CAMSAP1: variants seen among roughly 807,000 people sequenced by gnomAD.
CAMSAP1 encodes the protein calmodulin regulated spectrin associated protein 1.
A neutral mutation model predicts 143.5 loss-of-function variants in CAMSAP1; 58 were observed. The ratio of observed to expected loss-of-function variants is 0.40; its 90% confidence interval spans 0.33 to 0.50. CAMSAP1 has a LOEUF of 0.50. Ranked by LOEUF, CAMSAP1 falls within the 20% of genes least tolerant of loss-of-function variation. The pLI is 0.45. For missense variants in CAMSAP1, 1,969 were observed against 2,115.7 expected (o/e 0.93, Z 1.36); for synonymous variants, 945 against 859.3 (o/e 1.10, Z -1.74).
intron 5 of CAMSAP1, among the ~76,000 whole-genome samples, chr9:135,855,599 G>C (rs747330460): frequency 6.6e-6 from 1 of 152,080 alleles, no homozygotes; most frequent in South Asian, 2.1e-4. Context: ...AAATTGGCCA[G>C]GTGTGATGGT....
Position 135,850,481 on chromosome 9 carries a change from T to G in CAMSAP1, c.809-20A>C. On this transcript the variant is annotated intron_variant, in intron 5 of 16. Transcript: ENST00000389532. ...ATATATCTAATAGACAAAAAGAAAA[T>G]CACAATTTATTGTAAAGGTATTCTG... 2.6e-6 allele frequency: 4 copies of G among 1,536,392 alleles called. No homozygotes were observed. In the South Asian group the frequency reaches 5.1e-5, roughly 20 times the overall value.
rs189681584 is a variant in CAMSAP1, at chr9:135,840,465, G to A, written c.1045+9672C>T. The stretch of plus-strand genomic sequence containing the variant: ...TCACGACGGGGTCCGATGGGAAGAG[G>A]CCTTTCCCACCAGGCAGAACAGGTG... On this transcript the variant is annotated intron_variant, in intron 7 of 16. Coordinates refer to ENST00000389532, the MANE Select transcript of CAMSAP1 (RefSeq NM_015447.4). Among the ~76,000 whole-genome samples the A allele has an allele frequency of 7.2e-3, 1,091 of 152,300 alleles. 9 individuals are homozygous for A. The highest frequency in any genetic ancestry group is 0.011 in the Non-Finnish European group (773 of 68,032).
intron 14 of CAMSAP1, among the ~76,000 whole-genome samples, chr9:135,816,970 T>A (rs1402139681): frequency 6.6e-6 from 1 of 152,132 alleles, no homozygotes; most frequent in African/African-American, 2.4e-5. Context: ...GAGGCTGCGT[T>A]GAGAAAGACG....
At chr9:135,834,600 G>A (rs1377915513) in intron 7 of CAMSAP1, among the ~76,000 whole-genome samples, 2 of 152,186 alleles carry the variant, frequency 1.3e-5, no homozygotes, top group Non-Finnish European at 2.9e-5. Flanking sequence ...CTAAAAAGTA[G>A]AACTTAAGCA....
At chr9:135,840,346 C>T (rs74342389) in intron 7 of CAMSAP1, among the ~76,000 whole-genome samples, 211 of 152,264 alleles carry the variant, frequency 1.4e-3, no homozygotes, top group African/African-American at 4.7e-3. Context: ...TGAACTGAAG[C>T]TTAGCTGCTT....
intron 3 of CAMSAP1, among the ~76,000 whole-genome samples, chr9:135,879,401 T>C (rs10858177): frequency 0.38 from 56,949 of 151,724 alleles, 12,077 homozygotes; most frequent in African/African-American, 0.58. Context: ...ACATACCCTC[T>C]TGCCCAAAAA....
intron 1 of CAMSAP1, among the ~76,000 whole-genome samples, chr9:135,896,928 C>T (rs936635638): frequency 6.6e-6 from 1 of 152,152 alleles, no homozygotes; most frequent in Non-Finnish European, 1.5e-5. Flanking sequence ...TAAGGACACT[C>T]AGAAGGTGCC....
rs1323097193 is a variant in CAMSAP1 at position 135,907,482 on chromosome 9, T to C, written c.-323A>G. ...GGGGGCGGTGGCAGCGCGTGCGCGG[T>C]CCCGGGTGAGCGGCGGCGGCGGCGA... On this transcript the variant is annotated 5_prime_UTR_variant, in exon 1 of 17. Coordinates refer to ENST00000389532, the MANE Select transcript of CAMSAP1 (RefSeq NM_015447.4). Among the ~76,000 whole-genome samples the C allele has an allele frequency of 1.4e-5, 2 of 138,188 alleles. No individual in the cohort carries two copies. Among genetic ancestry groups the C allele is most frequent in the Non-Finnish European group, 3.1e-5 (2 of 63,644 alleles). 90.7% of individuals were successfully genotyped at this position (138,188 alleles called of 152,430 possible).
At chr9:135,849,913 T>C (rs1836712831) in intron 7 of CAMSAP1, 6 of 425,358 alleles carry the variant, frequency 1.4e-5, no homozygotes, top group Admixed American at 4.0e-5. Context: ...CTGGAACTTT[T>C]AGAGTTGTGC....
intron 5 of CAMSAP1, among the ~76,000 whole-genome samples, chr9:135,851,276 A>C (rs1409644036): frequency 1.3e-5 from 2 of 152,210 alleles, no homozygotes; most frequent in Non-Finnish European, 2.9e-5. Context: ...TTTTTACATA[A>C]ATTTTATTTC....
chr9:135,894,424 C>T (rs941177298), intron 1 of CAMSAP1, among the ~76,000 whole-genome samples: 1 of 152,196 alleles, frequency 6.6e-6, no homozygotes, highest in Non-Finnish European at 1.5e-5. Context: ...AATGTTCCAC[C>T]CCTCAGAGGC....
At chr9:135,906,944 C>A in intron 1 of CAMSAP1, 56 bp downstream of exon 1, 10 of 929,112 alleles carry the variant, frequency 1.1e-5, no homozygotes, top group Non-Finnish European at 1.2e-5. Context: ...CCGGCCGCGT[C>A]CCCCGGCCCC....
At chr9:135,838,836 A>C (rs1018064492) in intron 7 of CAMSAP1, among the ~76,000 whole-genome samples, 2 of 151,390 alleles carry the variant, frequency 1.3e-5, no homozygotes, top group South Asian at 4.2e-4. Context: ...GACACACGTC[A>C]TCAAGCAGTT....
intron 4 of CAMSAP1, 93 bp from the exon 5 acceptor site, chr9:135,862,701 A>G (rs973976124): frequency 6.3e-6 from 8 of 1,266,004 alleles, no homozygotes; most frequent in Non-Finnish European, 8.9e-6. Flanking sequence ...GAATTAACAT[A>G]ACGCCTAACA....
intron 8 of CAMSAP1, 80 bp downstream of exon 8, chr9:135,827,327 A>C: frequency 7.7e-7 from 1 of 1,299,644 alleles, no homozygotes; most frequent in Middle Eastern, 2.0e-4. Context: ...AAAAAAGGTA[A>C]CTTCAATTAA....
Position 135,818,529 on chromosome 9 carries a change from C to A in CAMSAP1, c.4047G>T (p.Gln1349His). 1.2e-6 allele frequency: 2 copies of A among 1,612,688 alleles called. No individual in the cohort carries two copies. Among genetic ancestry groups the A allele is most frequent in the Non-Finnish European group, 1.7e-6 (2 of 1,179,826 alleles). The change falls in exon 13 of 17, where the codon CAG becomes CAT. Residue 1349 changes from glutamine (Q) to histidine (H), a missense_variant. Coordinates refer to ENST00000389532, the MANE Select transcript of CAMSAP1 (RefSeq NM_015447.4). The surrounding 1 kb of genome is among the most constrained non-coding windows in gnomAD (Gnocchi z 7.7). ...GCCCCTGCTCCTCTAGGATCTGCTG[C>A]TGCTTCCTCCGCAGGTACTCCTGCT... The part of the protein sequence containing the change: ...LIKQEYLRRK[Q>H]QQILEEQGLG...
chr9:135,881,928 C>T, intron 2 of CAMSAP1, 134 bp from the exon 3 acceptor site: 1 of 1,095,542 alleles, frequency 9.1e-7, no homozygotes, highest in Non-Finnish European at 1.3e-6. Flanking sequence ...AAGAGATACT[C>T]AGATTTGAGA....
chr9:135,883,630 G>A (rs1172457490), intron 1 of CAMSAP1, among the ~76,000 whole-genome samples: 2 of 152,304 alleles, frequency 1.3e-5, no homozygotes, highest in East Asian at 3.9e-4. Flanking sequence ...AGCCAGGCAG[G>A]CGTGGTGCCA....
chr9:135,825,417 A>C (rs2131670695), intron 8 of CAMSAP1, among the ~76,000 whole-genome samples: 1 of 152,322 alleles, frequency 6.6e-6, no homozygotes, highest in African/African-American at 2.4e-5. Context: ...TTAGAGGACA[A>C]TATGGCAATA....
Sources: gnomAD v4.1 joint callset for allele counts (sites outside exome capture counted in the v4.1 genomes callset) on GRCh38, gnomAD v4.1.1 for gene constraint, Gnocchi (gnomAD v3.1) non-coding constraint, MANE v1.5 for transcripts, NCBI Gene and HGNC (gene_info 2026-07-23, HGNC 2026-07-21) for gene names.